CNRIP1: variants seen among roughly 807,000 people sequenced by gnomAD.
CNRIP1 encodes the protein CB1 cannabinoid receptor-interacting protein 1.
A neutral mutation model predicts 15.2 loss-of-function variants in CNRIP1; 10 were observed. The observed-to-expected ratio is 0.66, with a 90% CI of 0.41 to 1.12. CNRIP1 has a LOEUF of 1.12. CNRIP1 is among the 50% of genes most tolerant of loss of function. The pLI, the probability that CNRIP1 is intolerant of heterozygous loss-of-function variation, is 0.00. For missense variants in CNRIP1, 211 were observed against 214.7 expected (o/e 0.98, Z 0.11); for synonymous variants, 91 against 83.2 (o/e 1.09, Z -0.51).
At chr2:68,291,199 C>A (rs1361964243), downstream of CNRIP1, among the ~76,000 whole-genome samples, 2 of 152,130 alleles carry the variant, frequency 1.3e-5, no homozygotes, top group African/African-American at 4.8e-5. Flanking sequence ...ACTTCATCTC[C>A]ATCTCCTCCC....
chr2:68,307,698 A>G (rs1671908323), intron 2 of CNRIP1, among the ~76,000 whole-genome samples: 1 of 152,148 alleles, frequency 6.6e-6, no homozygotes. Flanking sequence ...TACTCCCCAG[A>G]TGTTAGATAT....
intron 2 of CNRIP1, among the ~76,000 whole-genome samples, chr2:68,311,757 A>G (rs1327328715): frequency 7.6e-5 from 11 of 144,692 alleles, no homozygotes; most frequent in Admixed American, 7.1e-4. Flanking sequence ...CCTGAGAGAC[A>G]GAGTGAGACT....
At chr2:68,297,567 CAAAAAAAAAAAAAAAAAAAAAA>C (rs112601365) in intron 2 of CNRIP1, among the ~76,000 whole-genome samples, 1 of 98,866 alleles carries the variant, frequency 1.0e-5, no homozygotes, top group East Asian at 2.3e-4. Flanking sequence ...GACACTGTCT[CAAAAAAAAAAAAAAAAAAAAAA>C]AAAAAAAAAA....
chr2:68,298,817 G>A (rs1017474592), intron 2 of CNRIP1, among the ~76,000 whole-genome samples: 1 of 151,952 alleles, frequency 6.6e-6, no homozygotes, highest in African/African-American at 2.4e-5. Context: ...ATTTCTTCTT[G>A]TCTGGCTAGA....
chr2:68,301,893 C>CAAAA (rs61613452), intron 2 of CNRIP1, among the ~76,000 whole-genome samples: 1,376 of 73,872 alleles, frequency 0.019, 52 homozygotes, highest in African/African-American at 0.038. Context: ...GTCTCCGTCT[C>CAAAA]AAAAAAAAAA....
chr2:68,298,761 T>C (rs1671484006), intron 2 of CNRIP1, among the ~76,000 whole-genome samples: 2 of 152,166 alleles, frequency 1.3e-5, no homozygotes, highest in Admixed American at 6.6e-5. Flanking sequence ...TTCCTATTCT[T>C]TCTTTTGGAG....
intron 2 of CNRIP1, among the ~76,000 whole-genome samples, chr2:68,300,740 A>G (rs1671575170): frequency 6.6e-6 from 1 of 152,202 alleles, no homozygotes; most frequent in South Asian, 2.1e-4. Flanking sequence ...TAAAATTGAT[A>G]AACCCCTAAC....
intron 2 of CNRIP1, among the ~76,000 whole-genome samples, chr2:68,315,369 G>A (rs1021445880): frequency 1.3e-5 from 2 of 152,144 alleles, no homozygotes; most frequent in African/African-American, 4.8e-5. Context: ...TGATAGGCGT[G>A]TAAATTGCCT....
chr2:68,300,569 A>T (rs954719463), intron 2 of CNRIP1, among the ~76,000 whole-genome samples: 3 of 152,102 alleles, frequency 2.0e-5, no homozygotes, highest in African/African-American at 7.2e-5. Context: ...GTGAGCTGAG[A>T]TCACACCATT....
At chr2:68,284,410 A>T in exon 3 of CNRIP1, 1 of 1,474,186 alleles carries the variant, frequency 6.8e-7, no homozygotes, top group Non-Finnish European at 9.0e-7. Context: ...TCATGATGGC[A>T]CACATTGAAG....
chr2:68,308,661 G>A (rs1479530276), intron 2 of CNRIP1, among the ~76,000 whole-genome samples: 1 of 152,080 alleles, frequency 6.6e-6, no homozygotes, highest in Non-Finnish European at 1.5e-5. Flanking sequence ...CACACATAAT[G>A]ATGGTCTGAA....
At chr2:68,304,481 C>T (rs893862559) in intron 2 of CNRIP1, among the ~76,000 whole-genome samples, 2 of 152,100 alleles carry the variant, frequency 1.3e-5, no homozygotes, top group Non-Finnish European at 2.9e-5. Context: ...GGTCTGCGGT[C>T]CCTAACTGTA....
Position 68,319,360 on chromosome 2 carries a change from A to T in CNRIP1, c.41T>A (p.Leu14Gln). 1 of 1,585,292 alleles carries T rather than the reference A, an allele frequency of 6.3e-7. No individual in the cohort carries two copies. Residue 14 changes from leucine (L) to glutamine (Q), a missense_variant, in exon 1 of 3, where the codon CTG becomes CAG. Leu to Gln is a moderately radical substitution (Grantham distance 113). Transcript: ENST00000263655. The stretch of plus-strand genomic sequence containing the variant: ...CGGGCCGTCATTAGGCTGGATGCGC[A>T]GCGCGATGGAGAGGCGCACGAGGCC... Reference protein sequence around the residue: ...LPGLVRLSIALRIQPNDGPVF... With the variant: ...LPGLVRLSIAQRIQPNDGPVF...
chr2:68,287,564 A>C lies in CNRIP1; in HGVS notation c.331-3080T>G, dbSNP rs1421925940. On this transcript the variant is annotated intron_variant, in intron 2 of 2. Coordinates refer to the CNRIP1 transcript ENST00000409559. Reference sequence around the variant, plus strand: ...TCCAACAAAAGGTGGCTAGGGTTCCATGCCGTATCTTCTCACTCCAGGACC... The same window carrying C: ...TCCAACAAAAGGTGGCTAGGGTTCCCTGCCGTATCTTCTCACTCCAGGACC... 3.9e-5 allele frequency among the ~76,000 whole-genome samples: 6 copies of C among 152,238 alleles called. No homozygotes were observed. In the East Asian group the frequency reaches 1.2e-3, roughly 29 times the overall value.
chr2:68,288,560 A>G (rs1671088547), downstream of CNRIP1, among the ~76,000 whole-genome samples: 1 of 152,238 alleles, frequency 6.6e-6, no homozygotes, highest in South Asian at 2.1e-4. Context: ...CTACTTGTTA[A>G]GGAAAAATTT....
intron 2 of CNRIP1, among the ~76,000 whole-genome samples, chr2:68,285,737 ATGTGTGCATG>A (rs1388158052): frequency 6.6e-6 from 1 of 152,066 alleles, no homozygotes; most frequent in African/African-American, 2.4e-5. Flanking sequence ...CACCAGAGGT[ATGTGTGCATG>A]TGTGTGCATG....
At position 68,305,272 on chromosome 2, in the gene CNRIP1, A is replaced by ATGTGTGTGTGTG. The variant is rs1225964288; in HGVS notation, c.331-11247_331-11246insCACACACACACA. On this transcript the variant is annotated intron_variant, in intron 2 of 2. Coordinates refer to ENST00000263655, the MANE Select transcript of CNRIP1 (RefSeq NM_015463.3). Reference sequence around the variant, plus strand: ...AAAAAAAAAAAAAATATATATATATATATGTGTGTGTGTGTGTGTGTGTGT... The same window carrying ATGTGTGTGTGTG: ...AAAAAAAAAAAAAATATATATATATATGTGTGTGTGTGTATGTGTGTGTGTGTGTGTGTGTGT... Among the ~76,000 whole-genome samples the ATGTGTGTGTGTG allele has an allele frequency of 2.5e-3, 171 of 68,976 alleles. 1 individual carries two copies. In the East Asian group the frequency reaches 0.039, roughly 16 times the overall value. The allele number at this position is 68,976 out of a possible 152,430, so 45.3% of individuals were successfully genotyped here.
At chr2:68,285,668 A>AAAG (rs1553413240) in intron 2 of CNRIP1, among the ~76,000 whole-genome samples, 2 of 124,436 alleles carry the variant, frequency 1.6e-5, no homozygotes, top group Non-Finnish European at 3.2e-5. Context: ...AAAAAAAAAA[A>AAAG]AAAAGAAAAG....
At chr2:68,295,025 C>T (rs1182420225) in intron 2 of CNRIP1, among the ~76,000 whole-genome samples, 1 of 152,114 alleles carries the variant, frequency 6.6e-6, no homozygotes, top group Non-Finnish European at 1.5e-5. Flanking sequence ...GTAGCCTGAC[C>T]CTGCTACTGC....
Sources: allele counts gnomAD v4.1 joint callset (sites outside exome capture counted in the v4.1 genomes callset), GRCh38; gene constraint gnomAD v4.1.1; transcripts MANE v1.5; gene names NCBI Gene and HGNC (gene_info 2026-07-23, HGNC 2026-07-21).